The following KIF26A variants were observed in gnomAD, a reference collection of about 807,000 sequenced individuals.
KIF26A encodes kinesin-like protein KIF26A.
Under a neutral mutation model 126.0 loss-of-function variants are expected in KIF26A, and 74 were observed. The observed-to-expected ratio is 0.59, with a 90% CI of 0.49 to 0.71. The LOEUF is 0.71. Ranked by LOEUF, KIF26A falls within the 30% of genes least tolerant of loss-of-function variation. The probability of loss-of-function intolerance (pLI) is 0.00; values close to 1 mark genes in which losing one functional copy is unlikely to be tolerated. For synonymous variants in KIF26A, 1,445 were observed against 1,232.7 expected, an observed-to-expected ratio of 1.17 and a Z score of -3.61; for missense variants, 2,984 against 2,763.3, an observed-to-expected ratio of 1.08 and a Z score of -1.79.
chr14:104,162,126 C>T (rs1011466365), intron 4 of KIF26A, among the ~76,000 whole-genome samples: 4 of 152,180 alleles, frequency 2.6e-5, no homozygotes, highest in African/African-American at 9.7e-5. Flanking sequence ...GTTCTGGGGC[C>T]TCGTTAATGC....
rs569133070 is a variant in KIF26A at position 104,173,508 on chromosome 14, G to T, written c.1862G>T (p.Gly621Val). 1.1e-4 allele frequency: 165 copies of T among 1,558,174 alleles called. No individual in the cohort carries two copies. Among genetic ancestry groups the T allele is most frequent in the Non-Finnish European group, 1.4e-4 (157 of 1,148,140 alleles). The change falls in exon 9 of 15, where the codon GGA becomes GTA. Residue 621 changes from glycine (G) to valine (V), a missense_variant. Physicochemically the swap from Gly to Val is moderately radical, Grantham distance 109. Transcript: ENST00000423312. Reference protein sequence around the residue: ...YQYRMEKCGRGGMSGGRSRLH... With the variant: ...YQYRMEKCGRVGMSGGRSRLH... ...TACCGCATGGAGAAGTGCGGCCGGG[G>T]AGGAAGTAGGTGCCACACCCGCACT...
rs1490178355 is a variant in KIF26A at position 104,177,486 on chromosome 14, C to T, written c.4698C>T (p.Arg1566=). The change falls in exon 12 of 15, where the codon CGC becomes CGT. Residue 1566 remains arginine (R), a synonymous_variant. Coordinates refer to ENST00000423312, the MANE Select transcript of KIF26A (RefSeq NM_015656.2). ...TKQALRAAHS[R]VHELSASGAP... ...AGGCGCTCCGGGCTGCTCACAGCCG[C>T]GTCCATGAGCTGTCAGCCAGTGGAG... 3.0e-5 allele frequency: 46 copies of T among 1,533,156 alleles called. No individual in the cohort carries two copies. Among genetic ancestry groups the T allele is most frequent in the Admixed American group, 1.4e-4 (7 of 50,742 alleles). The allele number at this position is 1,533,156 out of a possible 1,614,324, so 95.0% of individuals were successfully genotyped here. A position where few individuals can be genotyped will look rare whatever the true frequency, so the allele number is the denominator to read the frequency against.
chr14:104,176,822 G>A lies in KIF26A; in HGVS notation c.4034G>A (p.Gly1345Asp), dbSNP rs766467786. Reference protein sequence around the residue: ...SLKASPTSKKGLAPKAGFLPR... With the variant: ...SLKASPTSKKDLAPKAGFLPR... ...AAGGCCTCCCCCACCAGCAAGAAGG[G>A]TCTGGCTCCCAAGGCGGGCTTCCTC... The change falls in exon 12 of 15, where the codon GGT becomes GAT. Residue 1345 changes from glycine to aspartate, a missense_variant. Physicochemically the swap from Gly to Asp is moderately conservative, Grantham distance 94 (BLOSUM62 -1). Transcript: ENST00000423312. 28 of 1,555,542 alleles carry A rather than the reference G, an allele frequency of 1.8e-5. No individual in the cohort carries two copies. The South Asian group carries it at 2.1e-4, about 12-fold the overall frequency.
chr14:104,150,208 CT>C (rs568181284), intron 2 of KIF26A, among the ~76,000 whole-genome samples: 3,682 of 82,680 alleles, frequency 0.045, 128 homozygotes, highest in Non-Finnish European at 0.077. Context: ...CCCCCACCCC[CT>C]CCTCCTCCTC....
intron 4 of KIF26A, among the ~76,000 whole-genome samples, chr14:104,166,578 G>T (rs550204414): frequency 6.6e-6 from 1 of 152,178 alleles, no homozygotes; most frequent in Non-Finnish European, 1.5e-5. Context: ...ATTCAGTGCA[G>T]AGCACAGGGA....
In KIF26A at chr14:104,148,743, G is replaced by A. The variant is rs1040649822; in HGVS notation, c.289-3272G>A. ...CTGAGGGCTGCGTCTGGGGTCTGCT[G>A]TGCGGGGAGCAGTCAGTGGTGTGGG... On this transcript the variant is annotated intron_variant, in intron 2 of 14. Coordinates refer to ENST00000423312, the MANE Select transcript of KIF26A (RefSeq NM_015656.2). This position sits in a 1 kb window ranked among gnomAD's most constrained non-coding sequence, Gnocchi z 4.3. Among the ~76,000 whole-genome samples, 1 of 152,144 alleles carries A rather than the reference G, an allele frequency of 6.6e-6. No homozygotes were observed. Among genetic ancestry groups the A allele is most frequent in the African/African-American group, 2.4e-5 (1 of 41,428 alleles).
In KIF26A at chr14:104,179,402, C is replaced by T. The variant is rs772651961; in HGVS notation, c.5467+16C>T. On this transcript the variant is annotated intron_variant, in intron 14 of 14. Coordinates refer to ENST00000423312, the MANE Select transcript of KIF26A (RefSeq NM_015656.2). ...CTGGAGCAGTGTGAGTCCCGCCCGC[C>T]CACGGACCCAGCCCGGCCCACCGTG... 3 of 1,488,658 alleles carry T rather than the reference C, an allele frequency of 2.0e-6. No individual in the cohort carries two copies. The South Asian group carries it at 4.0e-5, about 20-fold the overall frequency. 92.2% of individuals were successfully genotyped at this position (1,488,658 alleles called of 1,614,324 possible). A position where few individuals can be genotyped will look rare whatever the true frequency, so the allele number is the denominator to read the frequency against.
chr14:104,176,525 G>A lies in KIF26A; in HGVS notation c.3737G>A (p.Arg1246Gln), dbSNP rs1303986618. 15 of 1,604,784 alleles carry A rather than the reference G, an allele frequency of 9.3e-6. No homozygotes were observed. The highest frequency in any genetic ancestry group is 4.4e-5 in the South Asian group (4 of 91,080). ...GGLFEDPWLL[R>Q]VGECDTQAAS... ...CTGTTTGAGGACCCATGGCTGCTCC[G>A]GGTAGGGGAGTGTGATACCCAGGCA... The change falls in exon 12 of 15, where the codon CGG (arginine) becomes CAG (glutamine). Residue 1246 changes from arginine (R) to glutamine (Q), a missense_variant. Physicochemically the swap from Arg to Gln is conservative, Grantham distance 43. Coordinates refer to ENST00000423312, the MANE Select transcript of KIF26A (RefSeq NM_015656.2).
At chr14:104,154,548 C>T (rs1458447731) in intron 3 of KIF26A, among the ~76,000 whole-genome samples, 5 of 152,214 alleles carry the variant, frequency 3.3e-5, no homozygotes, top group East Asian at 1.9e-4. Context: ...GCAGCGCTGC[C>T]GTTGCAGAGG....
At chr14:104,147,051 C>T (rs988882072) in intron 2 of KIF26A, among the ~76,000 whole-genome samples, 10 of 152,118 alleles carry the variant, frequency 6.6e-5, no homozygotes, top group Non-Finnish European at 1.0e-4. Context: ...ACCGAGTCCA[C>T]GGGGCCCCTT....
At chr14:104,179,436 C>A in intron 14 of KIF26A, 50 bp downstream of exon 14, 1 of 1,453,814 alleles carries the variant, frequency 6.9e-7, no homozygotes, top group Non-Finnish European at 9.1e-7. Context: ...TGTGCCCTGA[C>A]AGCTGCCCTC....
rs1174241214 is a variant in KIF26A, at chr14:104,151,678, T to C, written c.289-337T>C. ...TAAGGGGCCCTGCTTCTTGCCAGTC[T>C]CCTGCGTGTCCCCGGCCAGGCGGCC... is the stretch of plus-strand genomic sequence containing the variant. On this transcript the variant is annotated intron_variant, in intron 2 of 14. Transcript: ENST00000423312. This position sits in a 1 kb window ranked among gnomAD's most constrained non-coding sequence, Gnocchi z 4.9. 6.6e-6 allele frequency among the ~76,000 whole-genome samples: 1 copy of C among 152,176 alleles called. No individual in the cohort carries two copies. The highest frequency in any genetic ancestry group is 1.5e-5 in the Non-Finnish European group (1 of 68,032).
chr14:104,166,051 C>T (rs1187647660), intron 4 of KIF26A, among the ~76,000 whole-genome samples: 2 of 151,848 alleles, frequency 1.3e-5, no homozygotes, highest in Admixed American at 1.3e-4. Context: ...CAGGAATCCC[C>T]CACCCCTGGC....
chr14:104,161,992 C>G (rs10137425), intron 4 of KIF26A, among the ~76,000 whole-genome samples: 77,531 of 152,084 alleles, frequency 0.51, 20,255 homozygotes, highest in African/African-American at 0.63. Context: ...AAGTAAGTTC[C>G]TGCCTCCACA....
intron 2 of KIF26A, among the ~76,000 whole-genome samples, chr14:104,141,684 C>T (rs1055964317): frequency 6.6e-6 from 1 of 151,682 alleles, no homozygotes; most frequent in Non-Finnish European, 1.5e-5. Flanking sequence ...GTCTCCCTGC[C>T]TGTCTCCGTT....
At position 104,172,563 on chromosome 14, in the gene KIF26A, T is replaced by C; in HGVS notation, c.1327-12T>C. The C allele has an allele frequency of 6.2e-7, 1 of 1,608,268 alleles. No homozygotes were observed. The highest frequency in any genetic ancestry group is 8.5e-7 in the Non-Finnish European group (1 of 1,176,292). On this transcript the variant is annotated splice_polypyrimidine_tract_variant and intron_variant, in intron 6 of 14. Transcript: ENST00000423312. ...GGGGCCACAGCCCTGCCTGATTCTCTTGCCCCCCTAGGCCGAAGTCTGCTC... is the reference window on the plus strand; with the variant it reads ...GGGGCCACAGCCCTGCCTGATTCTCCTGCCCCCCTAGGCCGAAGTCTGCTC...
chr14:104,146,488 G>A (rs561247274), intron 2 of KIF26A, among the ~76,000 whole-genome samples: 1 of 152,246 alleles, frequency 6.6e-6, no homozygotes, highest in East Asian at 1.9e-4. Context: ...GGTGGGAAGA[G>A]CATGGAGGGC....
chr14:104,180,002 C>A lies in KIF26A; in HGVS notation c.*212C>A. ...GCCAGGGTGACCAGAAGACCGTCAC[C>A]ACCCGACAGCAACGCAAGTGCCTTT... On this transcript the variant is annotated 3_prime_UTR_variant, in exon 15 of 15. Transcript: ENST00000423312. 2.1e-6 allele frequency: 1 copy of A among 478,926 alleles called. No individual in the cohort carries two copies. The highest frequency in any genetic ancestry group is 2.0e-5 in the African/African-American group (1 of 50,096). The allele number at this position is 478,926 out of a possible 1,614,324, so 29.7% of individuals were successfully genotyped here. A position where few individuals can be genotyped will look rare whatever the true frequency, so the allele number is the denominator to read the frequency against.
At position 104,139,031 on chromosome 14, in the gene KIF26A, C is replaced by T; in HGVS notation, c.43-12C>T. 7.4e-7 allele frequency: 1 copy of T among 1,347,882 alleles called. No individual in the cohort carries two copies. Among genetic ancestry groups the T allele is most frequent in the Non-Finnish European group, 9.5e-7 (1 of 1,057,438 alleles). The allele number at this position is 1,347,882 out of a possible 1,614,324, so 83.5% of individuals were successfully genotyped here. A position where few individuals can be genotyped will look rare whatever the true frequency, so the allele number is the denominator to read the frequency against. On this transcript the variant is annotated splice_polypyrimidine_tract_variant and intron_variant, in intron 1 of 14. Coordinates refer to ENST00000423312, the MANE Select transcript of KIF26A (RefSeq NM_015656.2). ...CAGGCTCACTGTCCGCTTCCGCCCCCACACCCTGCAGGTGGCCGAGGGCGG... is the reference window on the plus strand; with the variant it reads ...CAGGCTCACTGTCCGCTTCCGCCCCTACACCCTGCAGGTGGCCGAGGGCGG...
Sources: gnomAD v4.1 joint callset for allele counts (sites outside exome capture counted in the v4.1 genomes callset) on GRCh38, gnomAD v4.1.1 for gene constraint, Gnocchi (gnomAD v3.1) non-coding constraint, MANE v1.5 for transcripts, NCBI Gene and HGNC (gene_info 2026-07-23, HGNC 2026-07-21) for gene names.